Variants in NKG7 observed in about 807,000 individuals in gnomAD.
NKG7 encodes protein NKG7.
A neutral mutation model predicts 14.7 loss-of-function variants in NKG7; 8 were observed. The ratio of observed to expected loss-of-function variants is 0.54; its 90% CI spans 0.32 to 0.98. NKG7 has a LOEUF of 0.98. Among genes scored for constraint, NKG7 ranks in the 50% least tolerant of loss-of-function variants. The pLI, the probability that NKG7 is intolerant of heterozygous loss-of-function variation, is 0.04. For missense variants in NKG7, 215 were observed against 211.1 expected, an observed-to-expected ratio of 1.02 and a Z score of -0.11; for synonymous variants, 95 against 90.7, an observed-to-expected ratio of 1.05 and a Z score of -0.27.
Position 51,372,082 on chromosome 19 carries a change from C to A in NKG7, c.305-8G>T. ...CCACCACCATGGAGATGGCTGGGGA[C>A]AAGGACAAGAGAGATGGCTCAGCTC... is the stretch of plus-strand genomic sequence containing the variant. On this transcript the variant is annotated splice_polypyrimidine_tract_variant and splice_region_variant and intron_variant, in intron 2 of 3. Coordinates refer to ENST00000221978, the MANE Select transcript of NKG7 (RefSeq NM_005601.4). The surrounding 1 kb of genome is among the most constrained non-coding windows in gnomAD (Gnocchi z 4.8). The A allele has an allele frequency of 6.2e-7, 1 of 1,607,512 alleles. No homozygotes were observed. Among genetic ancestry groups the A allele is most frequent in the East Asian group, 2.2e-5 (1 of 44,812 alleles).
At position 51,372,248 on chromosome 19, in the gene NKG7, C is replaced by G. The variant is rs151190254; in HGVS notation, c.217G>C (p.Val73Leu). The stretch of plus-strand genomic sequence containing the variant: ...AAGCAGGACAGGACCAGGAAGCTCA[C>G]GGACACCAGGGCCCACAGAACAGCC... Reference protein sequence around the residue: ...IMAVLWALVSVSFLVLSCFPS... With the variant: ...IMAVLWALVSLSFLVLSCFPS... The change falls in exon 2 of 4, where the codon GTG (valine) becomes CTG (leucine). Residue 73 changes from valine (V) to leucine (L), a missense_variant. By Grantham distance (32) the Val-to-Leu change is conservative (BLOSUM62 1). Transcript: ENST00000221978. The surrounding 1 kb of genome is among the most constrained non-coding windows in gnomAD (Gnocchi z 4.8). 6.2e-7 allele frequency: 1 copy of G among 1,613,726 alleles called. No homozygotes were observed. The highest frequency in any genetic ancestry group is 1.1e-5 in the South Asian group (1 of 91,016).
chr19:51,371,696 G>A lies in NKG7; in HGVS notation c.*81C>T, dbSNP rs3009. On this transcript the variant is annotated 3_prime_UTR_variant, in exon 4 of 4. Coordinates refer to ENST00000221978, the MANE Select transcript of NKG7 (RefSeq NM_005601.4). The surrounding 1 kb of genome is among the most constrained non-coding windows in gnomAD (Gnocchi z 4.2). ...AAGGGCTGGAAGGGCGGGCAGATGTGGGACCAGACTTTCCCGAGGCTCCAG... is the reference window on the plus strand; with the variant it reads ...AAGGGCTGGAAGGGCGGGCAGATGTAGGACCAGACTTTCCCGAGGCTCCAG... 0.6 allele frequency: 874,838 copies of A among 1,449,238 alleles called. 269,204 individuals are homozygous for A. Among genetic ancestry groups the A allele is most frequent in the African/African-American group, 0.84 (58,976 of 70,544 alleles). The allele number at this position is 1,449,238 out of a possible 1,614,324, so 89.8% of individuals were successfully genotyped here. A position where few individuals can be genotyped will look rare whatever the true frequency, so the allele number is the denominator to read the frequency against.
Position 51,372,564 on chromosome 19 carries a change from G to A in NKG7, c.-29C>T, listed in dbSNP as rs943551799. On this transcript the variant is annotated 5_prime_UTR_variant, in exon 1 of 4. Transcript: ENST00000221978. The surrounding 1 kb of genome is among the most constrained non-coding windows in gnomAD (Gnocchi z 4.8). ...GATAAGCTCAGGGCTTCTGGGTCCT[G>A]GAGGAGGAAGAGGCTGCTGATCAGA... 1 of 1,610,242 alleles carries A rather than the reference G, an allele frequency of 6.2e-7. No individual in the cohort carries two copies. Among genetic ancestry groups the A allele is most frequent in the Non-Finnish European group, 8.5e-7 (1 of 1,178,568 alleles).
In NKG7 at chr19:51,371,952, A is replaced by T. The variant is rs1213575796; in HGVS notation, c.427T>A (p.Leu143Met). Residue 143 changes from leucine (L) to methionine (M), a missense_variant, in exon 3 of 4, where the codon TTG becomes ATG. Leu to Met is a conservative substitution (Grantham distance 15). Coordinates refer to ENST00000221978, the MANE Select transcript of NKG7 (RefSeq NM_005601.4). The surrounding 1 kb of genome is among the most constrained non-coding windows in gnomAD (Gnocchi z 4.2). ...FYLGWVSAILLLCTGALSLGA... is the reference protein window; with the variant it reads ...FYLGWVSAILMLCTGALSLGA... The stretch of plus-strand genomic sequence containing the variant: ...GCAGGATAGTCACCTGTACAGAGCA[A>T]GAGGATAGCTGAGACCCAGCCCAGG... The T allele has an allele frequency of 2.5e-6, 4 of 1,612,358 alleles. No homozygotes were observed. The South Asian group carries it at 4.4e-5, about 18-fold the overall frequency.
At position 51,372,259 on chromosome 19, in the gene NKG7, G is replaced by A; in HGVS notation, c.206C>T (p.Ala69Val). 1 of 1,613,776 alleles carries A rather than the reference G, an allele frequency of 6.2e-7. No individual in the cohort carries two copies. Among genetic ancestry groups the A allele is most frequent in the African/African-American group, 1.3e-5 (1 of 75,060 alleles). The change falls in exon 2 of 4, where the codon GCC becomes GTC. Residue 69 changes from alanine (A) to valine (V), a missense_variant. Coordinates refer to ENST00000221978, the MANE Select transcript of NKG7 (RefSeq NM_005601.4). The surrounding 1 kb of genome is among the most constrained non-coding windows in gnomAD (Gnocchi z 4.8). ...GACCAGGAAGCTCACGGACACCAGG[G>A]CCCACAGAACAGCCATAATGCTGAA... ...QTFSIMAVLW[A>V]LVSVSFLVLS...
chr19:51,372,365 C>A lies in NKG7; in HGVS notation c.157+14G>T. ...CCGCTGGCAACCCCTCTGTAGGACA[C>A]CCATTCCCCTTACCTGATATGATGT... On this transcript the variant is annotated intron_variant, in intron 1 of 3. Transcript: ENST00000221978. This position sits in a 1 kb window ranked among gnomAD's most constrained non-coding sequence, Gnocchi z 4.8. 1 of 1,614,042 alleles carries A rather than the reference C, an allele frequency of 6.2e-7. No homozygotes were observed. The highest frequency in any genetic ancestry group is 1.7e-5 in the Admixed American group (1 of 60,014).
At position 51,372,626 on chromosome 19, in the gene NKG7, G is replaced by GGAGTCTGGGTGC; in HGVS notation, c.-92_-91insGCACCCAGACTC. ...CAGAGAGAAGGAGGCTGTGCACCCA[G>GGAGTCTGGGTGC]ACTCCTGGGTCCTTAGAGCCCAAGA... On this transcript the variant is annotated 5_prime_UTR_variant, in exon 1 of 4. Transcript: ENST00000221978. The surrounding 1 kb of genome is among the most constrained non-coding windows in gnomAD (Gnocchi z 4.8). The GGAGTCTGGGTGC allele has an allele frequency of 6.8e-7, 1 of 1,460,292 alleles. No individual in the cohort carries two copies. The highest frequency in any genetic ancestry group is 9.2e-7 in the Non-Finnish European group (1 of 1,089,530). The allele number at this position is 1,460,292 out of a possible 1,614,324, so 90.5% of individuals were successfully genotyped here.
Position 51,372,341 on chromosome 19 carries a change from C to G in NKG7, c.158-34G>C, listed in dbSNP as rs368397818. ...GAGAAGACCACTGAGCACCCATCCC[C>G]GCTGGCAACCCCTCTGTAGGACACC... On this transcript the variant is annotated intron_variant, in intron 1 of 3. Transcript: ENST00000221978. The surrounding 1 kb of genome is among the most constrained non-coding windows in gnomAD (Gnocchi z 4.8). 1.2e-5 allele frequency: 20 copies of G among 1,612,590 alleles called. No homozygotes were observed. In the South Asian group the frequency reaches 2.2e-4, roughly 18 times the overall value.
At position 51,371,963 on chromosome 19, in the gene NKG7, G is replaced by A; in HGVS notation, c.416C>T (p.Ser139Leu). The A allele has an allele frequency of 6.2e-7, 1 of 1,612,872 alleles. No individual in the cohort carries two copies. The highest frequency in any genetic ancestry group is 2.2e-5 in the East Asian group (1 of 44,876). Reference protein sequence around the residue: ...FSWSFYLGWVSAILLLCTGAL... With the variant: ...FSWSFYLGWVLAILLLCTGAL... ...ACCTGTACAGAGCAAGAGGATAGCT[G>A]AGACCCAGCCCAGGTAGAAGGACCA... is the stretch of plus-strand genomic sequence containing the variant. The change falls in exon 3 of 4, where the codon TCA (serine) becomes TTA (leucine). Residue 139 changes from serine (S) to leucine (L), a missense_variant. Ser to Leu is a moderately radical substitution (Grantham distance 145, BLOSUM62 -2). Transcript: ENST00000221978. The surrounding 1 kb of genome is among the most constrained non-coding windows in gnomAD (Gnocchi z 4.2).
rs1205491237 is a variant in NKG7 at position 51,371,748 on chromosome 19, A to G, written c.*29T>C. ...TGAGGCCTTTGGAATACAACGCTCAAAACTCATCTTGCCGCTCTTGCCTTC... is the reference window on the plus strand; with the variant it reads ...TGAGGCCTTTGGAATACAACGCTCAGAACTCATCTTGCCGCTCTTGCCTTC... On this transcript the variant is annotated 3_prime_UTR_variant, in exon 4 of 4. Coordinates refer to ENST00000221978, the MANE Select transcript of NKG7 (RefSeq NM_005601.4). This position sits in a 1 kb window ranked among gnomAD's most constrained non-coding sequence, Gnocchi z 4.2. The G allele has an allele frequency of 3.1e-6, 5 of 1,602,636 alleles. No homozygotes were observed. The highest frequency in any genetic ancestry group is 1.7e-5 in the Admixed American group (1 of 58,916).
In NKG7 at chr19:51,372,544, G is replaced by C. The variant is rs543916489; in HGVS notation, c.-9C>G. The C allele has an allele frequency of 6.2e-7, 1 of 1,613,430 alleles. No homozygotes were observed. Among genetic ancestry groups the C allele is most frequent in the African/African-American group, 1.3e-5 (1 of 75,038 alleles). ...GACCGGCAGAGCTCCATGGGGATAA[G>C]CTCAGGGCTTCTGGGTCCTGGAGGA... is the stretch of plus-strand genomic sequence containing the variant. On this transcript the variant is annotated 5_prime_UTR_variant, in exon 1 of 4. Coordinates refer to ENST00000221978, the MANE Select transcript of NKG7 (RefSeq NM_005601.4). This position sits in a 1 kb window ranked among gnomAD's most constrained non-coding sequence, Gnocchi z 4.8.
At position 51,372,074 on chromosome 19, in the gene NKG7, G is replaced by A. The variant is rs748890419; in HGVS notation, c.305C>T (p.Ala102Val). The A allele has an allele frequency of 1.9e-6, 3 of 1,609,382 alleles. No individual in the cohort carries two copies. The highest frequency in any genetic ancestry group is 1.3e-5 in the African/African-American group (1 of 74,986). The change falls in exon 3 of 4, where the codon GCC (alanine) becomes GTC (valine). Residue 102 changes from alanine to valine, a missense_variant and splice_region_variant. Ala to Val is a moderately conservative substitution (Grantham distance 64). Transcript: ENST00000221978. This position sits in a 1 kb window ranked among gnomAD's most constrained non-coding sequence, Gnocchi z 4.8. Reference sequence around the variant, plus strand: ...CGCCATGGCCACCACCATGGAGATGGCTGGGGACAAGGACAAGAGAGATGG... The same window carrying A: ...CGCCATGGCCACCACCATGGAGATGACTGGGGACAAGGACAAGAGAGATGG... ...LVSTTAAFAA[A>V]ISMVVAMAVY...
Position 51,372,246 on chromosome 19 carries a change from C to G in NKG7, c.219G>C (p.Val73=). ...GGAAGCAGGACAGGACCAGGAAGCT[C>G]ACGGACACCAGGGCCCACAGAACAG... The part of the protein sequence containing the change: ...IMAVLWALVS[V]SFLVLSCFPS... Residue 73 remains valine, a synonymous_variant, in exon 2 of 4, where the codon GTG becomes GTC. Transcript: ENST00000221978. This position sits in a 1 kb window ranked among gnomAD's most constrained non-coding sequence, Gnocchi z 4.8. 1 of 1,613,846 alleles carries G rather than the reference C, an allele frequency of 6.2e-7. No individual in the cohort carries two copies. The highest frequency in any genetic ancestry group is 8.5e-7 in the Non-Finnish European group (1 of 1,179,836).
In NKG7 at chr19:51,371,764, T is replaced by C; in HGVS notation, c.*13A>G. On this transcript the variant is annotated 3_prime_UTR_variant, in exon 4 of 4. Coordinates refer to ENST00000221978, the MANE Select transcript of NKG7 (RefSeq NM_005601.4). The surrounding 1 kb of genome is among the most constrained non-coding windows in gnomAD (Gnocchi z 4.2). ...CAACGCTCAAAACTCATCTTGCCGC[T>C]CTTGCCTTCTGCTCACAAGGTTTCA... 1 of 1,609,570 alleles carries C rather than the reference T, an allele frequency of 6.2e-7. No homozygotes were observed. Among genetic ancestry groups the C allele is most frequent in the South Asian group, 1.1e-5 (1 of 90,672 alleles).
In NKG7 at chr19:51,371,685, CGGGCAGATGT is replaced by C; in HGVS notation, c.*82_*91del. 7.3e-7 allele frequency: 1 copy of C among 1,365,318 alleles called. No homozygotes were observed. The allele number at this position is 1,365,318 out of a possible 1,614,324, so 84.6% of individuals were successfully genotyped here. On this transcript the variant is annotated 3_prime_UTR_variant, in exon 4 of 4. Coordinates refer to ENST00000221978, the MANE Select transcript of NKG7 (RefSeq NM_005601.4). The surrounding 1 kb of genome is among the most constrained non-coding windows in gnomAD (Gnocchi z 4.2). ...AGGGGCTGGGGAAGGGCTGGAAGGG[CGGGCAGATGT>C]GGGACCAGACTTTCCCGAGGCTCCA...
In NKG7 at chr19:51,372,288, C is replaced by T. The variant is rs753787107; in HGVS notation, c.177G>A (p.Gln59=). The change falls in exon 2 of 4, where the codon CAG becomes CAA. Residue 59 remains glutamine (Q), a synonymous_variant. Coordinates refer to ENST00000221978, the MANE Select transcript of NKG7 (RefSeq NM_005601.4). This position sits in a 1 kb window ranked among gnomAD's most constrained non-coding sequence, Gnocchi z 4.8. The stretch of plus-strand genomic sequence containing the variant: ...ACAGAACAGCCATAATGCTGAAGGT[C>T]TGCGTCACGTGGATGTAGCCTGATC... The part of the protein sequence containing the change: ...DIISGYIHVT[Q]TFSIMAVLWA... The T allele has an allele frequency of 1.2e-6, 2 of 1,612,540 alleles. No individual in the cohort carries two copies. The highest frequency in any genetic ancestry group is 2.7e-5 in the African/African-American group (2 of 74,918).
At position 51,371,825 on chromosome 19, in the gene NKG7, G is replaced by A. The variant is rs77714300; in HGVS notation, c.450C>T (p.Ser150=). 1.9e-4 allele frequency: 310 copies of A among 1,612,858 alleles called. No individual in the cohort carries two copies. In the African/African-American group the frequency reaches 3.8e-3, roughly 20 times the overall value. The change falls in exon 4 of 4, where the codon AGC becomes AGT. Residue 150 remains serine, a synonymous_variant. Coordinates refer to ENST00000221978, the MANE Select transcript of NKG7 (RefSeq NM_005601.4). This position sits in a 1 kb window ranked among gnomAD's most constrained non-coding sequence, Gnocchi z 4.2. Reference sequence around the variant, plus strand: ...GGGGACCGCCACAGTGAGCACCCAGGCTCAGGGCACCTGGGGAGCCAGAAA... The same window carrying A: ...GGGGACCGCCACAGTGAGCACCCAGACTCAGGGCACCTGGGGAGCCAGAAA... ...AILLLCTGAL[S]LGAHCGGPRP... is the part of the protein sequence containing the mutation.
chr19:51,372,153 G>C lies in NKG7; in HGVS notation c.304+8C>G. ...TCGCGATGCCCCAGTCCAGTCCAGA[G>C]TCCTTACCTGCAGCAAAGGCTGCGG... On this transcript the variant is annotated splice_region_variant and intron_variant, in intron 2 of 3. Coordinates refer to ENST00000221978, the MANE Select transcript of NKG7 (RefSeq NM_005601.4). This position sits in a 1 kb window ranked among gnomAD's most constrained non-coding sequence, Gnocchi z 4.8. 1 of 1,601,218 alleles carries C rather than the reference G, an allele frequency of 6.2e-7. No individual in the cohort carries two copies. The highest frequency in any genetic ancestry group is 8.5e-7 in the Non-Finnish European group (1 of 1,173,424).
In NKG7 at chr19:51,371,948, A is replaced by T; in HGVS notation, c.431T>A (p.Leu144His). 1 of 1,612,238 alleles carries T rather than the reference A, an allele frequency of 6.2e-7. No homozygotes were observed. The highest frequency in any genetic ancestry group is 8.5e-7 in the Non-Finnish European group (1 of 1,179,352). The change falls in exon 3 of 4, where the codon CTC becomes CAC. Residue 144 changes from leucine (L) to histidine (H), a missense_variant. Physicochemically the swap from Leu to His is moderately conservative, Grantham distance 99. Coordinates refer to ENST00000221978, the MANE Select transcript of NKG7 (RefSeq NM_005601.4). This position sits in a 1 kb window ranked among gnomAD's most constrained non-coding sequence, Gnocchi z 4.2. ...YLGWVSAILLLCTGALSLGAH... is the reference protein window; with the variant it reads ...YLGWVSAILLHCTGALSLGAH... ...GTGGGCAGGATAGTCACCTGTACAG[A>T]GCAAGAGGATAGCTGAGACCCAGCC...
Sources: allele counts gnomAD v4.1 joint callset, GRCh38; gene constraint gnomAD v4.1.1; non-coding constraint Gnocchi (gnomAD v3.1); transcripts MANE v1.5; gene names NCBI Gene and HGNC (gene_info 2026-07-23, HGNC 2026-07-21).